Variants in THSD7A observed in about 807,000 individuals in gnomAD.
THSD7A encodes thrombospondin type-1 domain-containing protein 7A.
In THSD7A, 96 loss-of-function variants were observed where a neutral mutation model predicts 231.3. That is an observed-to-expected ratio of 0.41 (90% confidence interval 0.35 to 0.49). The LOEUF (loss-of-function observed/expected upper bound fraction) is 0.49, where lower values mean the gene tolerates loss of function less well. Ranked by LOEUF, THSD7A falls within the 20% of genes least tolerant of loss-of-function variation. The probability of loss-of-function intolerance (pLI) is 0.05; values close to 1 mark genes in which losing one functional copy is unlikely to be tolerated. For synonymous variants in THSD7A, 940 were observed against 743.3 expected (o/e 1.26, Z -4.30); for missense variants, 2,290 against 2,070.2 (o/e 1.11, Z -2.06).
At chr7:11,449,953 C>T (rs565805473) in intron 11 of THSD7A, among the ~76,000 whole-genome samples, 3 of 152,182 alleles carry the variant, frequency 2.0e-5, no homozygotes, top group Non-Finnish European at 4.4e-5. Context: ...GAGGGTTTCA[C>T]TGTTTGTAAC....
chr7:11,398,019 A>T (rs1195083715), intron 23 of THSD7A, among the ~76,000 whole-genome samples: 1 of 152,264 alleles, frequency 6.6e-6, no homozygotes, highest in Non-Finnish European at 1.5e-5. Context: ...CATTGGACCC[A>T]GCAATCCCAT....
intron 3 of THSD7A, among the ~76,000 whole-genome samples, chr7:11,592,884 T>C (rs572794214): frequency 6.6e-6 from 1 of 152,210 alleles, no homozygotes; most frequent in African/African-American, 2.4e-5. Context: ...AATAAAATTG[T>C]ATTGGAACAC....
chr7:11,524,046 T>C (rs1279853489), intron 6 of THSD7A, among the ~76,000 whole-genome samples: 1 of 152,188 alleles, frequency 6.6e-6, no homozygotes, highest in Non-Finnish European at 1.5e-5. Context: ...TGGGTGCTTT[T>C]AGGTTCTTTT....
intron 2 of THSD7A, among the ~76,000 whole-genome samples, chr7:11,622,533 A>T (rs569311698): frequency 1.3e-5 from 2 of 152,258 alleles, no homozygotes; most frequent in South Asian, 2.1e-4. Flanking sequence ...AATCCAGGCC[A>T]TCTGAATCTG....
chr7:11,724,641 C>CA (rs575228898), intron 1 of THSD7A, among the ~76,000 whole-genome samples: 40 of 151,472 alleles, frequency 2.6e-4, no homozygotes, highest in East Asian at 7.8e-4. Context: ...ACTGGGAAGA[C>CA]AAAAAAACAG....
At chr7:11,639,281 C>A (rs992961104) in intron 1 of THSD7A, among the ~76,000 whole-genome samples, 3 of 152,126 alleles carry the variant, frequency 2.0e-5, no homozygotes, top group African/African-American at 7.2e-5. Flanking sequence ...CTTTTATCCT[C>A]AGAGTGTAAA....
chr7:11,478,255 A>AGG (rs780148346), intron 7 of THSD7A, among the ~76,000 whole-genome samples: 8 of 152,048 alleles, frequency 5.3e-5, no homozygotes, highest in Non-Finnish European at 1.0e-4. Flanking sequence ...TGGCTGTGAC[A>AGG]CCCCATACTG....
At chr7:11,530,065 G>T (rs1788638634) in intron 6 of THSD7A, among the ~76,000 whole-genome samples, 1 of 152,202 alleles carries the variant, frequency 6.6e-6, no homozygotes, top group Non-Finnish European at 1.5e-5. Flanking sequence ...GTTAGCATGT[G>T]AACCTAGAGT....
chr7:11,467,447 C>T (rs1272224083), intron 9 of THSD7A, among the ~76,000 whole-genome samples: 14 of 152,062 alleles, frequency 9.2e-5, no homozygotes, highest in Non-Finnish European at 1.9e-4. Context: ...TCTATATGAC[C>T]ATTAGTGTGC....
chr7:11,638,077 T>C (rs1245065109), intron 1 of THSD7A, among the ~76,000 whole-genome samples: 3 of 152,176 alleles, frequency 2.0e-5, no homozygotes, highest in African/African-American at 7.2e-5. Flanking sequence ...CCTCACACCC[T>C]TACACTACTG....
chr7:11,552,171 G>T (rs1410565857), intron 4 of THSD7A, among the ~76,000 whole-genome samples: 1 of 152,002 alleles, frequency 6.6e-6, no homozygotes, highest in Non-Finnish European at 1.5e-5. Context: ...GGTGTAAGGT[G>T]GGAAGAGGGT....
chr7:11,418,005 A>G (rs565861681), intron 16 of THSD7A, among the ~76,000 whole-genome samples: 1 of 152,312 alleles, frequency 6.6e-6, no homozygotes, highest in African/African-American at 2.4e-5. Flanking sequence ...CATATAATGC[A>G]TTTATTCTTC....
chr7:11,575,761 C>T (rs1020931070), intron 4 of THSD7A, among the ~76,000 whole-genome samples: 2 of 152,182 alleles, frequency 1.3e-5, no homozygotes, highest in South Asian at 2.1e-4. Flanking sequence ...TCATATCAAC[C>T]GCCACTTATT....
At chr7:11,477,321 A>G (rs142796621) in intron 7 of THSD7A, among the ~76,000 whole-genome samples, 2 of 152,164 alleles carry the variant, frequency 1.3e-5, no homozygotes, top group Non-Finnish European at 2.9e-5. Flanking sequence ...TTTCCTCATG[A>G]CTAGATTCTA....
chr7:11,500,951 A>AC (rs1282710887), intron 6 of THSD7A, among the ~76,000 whole-genome samples: 1 of 151,656 alleles, frequency 6.6e-6, no homozygotes, highest in South Asian at 2.1e-4. Flanking sequence ...GAAAGAAAAA[A>AC]AAAAAGAAAA....
intron 2 of THSD7A, among the ~76,000 whole-genome samples, chr7:11,605,460 G>A (rs1379173557): frequency 2.0e-5 from 3 of 151,960 alleles, no homozygotes; most frequent in Non-Finnish European, 4.4e-5. Context: ...TCAGAGCTGG[G>A]GCTGTGGACC....
At chr7:11,617,733 GA>G (rs1307224312) in intron 2 of THSD7A, among the ~76,000 whole-genome samples, 3 of 152,064 alleles carry the variant, frequency 2.0e-5, no homozygotes, top group African/African-American at 7.2e-5. Flanking sequence ...GATGAAGCTG[GA>G]AACCATCATT....
chr7:11,831,610 T>C lies in THSD7A; in HGVS notation c.190+147A>G. 1 of 449,868 alleles carries C rather than the reference T, an allele frequency of 2.2e-6. No homozygotes were observed. The highest frequency in any genetic ancestry group is 3.5e-6 in the Non-Finnish European group (1 of 282,276). 27.9% of individuals were successfully genotyped at this position (449,868 alleles called of 1,614,324 possible). ...CCTAATTGCATCGGACATGACCTAT[T>C]TGCTTCCTAAGAAATCATACTTTTT... On this transcript the variant is annotated intron_variant, in intron 1 of 27. Coordinates refer to ENST00000423059, the MANE Select transcript of THSD7A (RefSeq NM_015204.3). The surrounding 1 kb of genome is among the most constrained non-coding windows in gnomAD (Gnocchi z 5.0).
intron 1 of THSD7A, among the ~76,000 whole-genome samples, chr7:11,742,565 A>T (rs1340825696): frequency 1.3e-5 from 2 of 151,960 alleles, no homozygotes; most frequent in Non-Finnish European, 2.9e-5. Context: ...AAGTGCTCAG[A>T]TGCATGACTC....
Sources: gnomAD v4.1 joint callset for allele counts (sites outside exome capture counted in the v4.1 genomes callset) on GRCh38, gnomAD v4.1.1 for gene constraint, Gnocchi (gnomAD v3.1) non-coding constraint, MANE v1.5 for transcripts, NCBI Gene and HGNC (gene_info 2026-07-23, HGNC 2026-07-21) for gene names.